ZNF365: variants seen among roughly 807,000 people sequenced by gnomAD.
ZNF365 encodes the protein zinc finger protein 365.
ZNF365 carries 22 observed loss-of-function variants against 35.0 expected under a neutral mutation model. That is an observed-to-expected ratio of 0.63 (90% CI 0.45 to 0.90). The LOEUF is 0.90. Ranked by LOEUF, ZNF365 falls within the 40% of genes least tolerant of loss-of-function variation. The pLI is 0.00. For missense variants in ZNF365, 448 were observed against 500.3 expected (o/e 0.90, Z 1.00); for synonymous variants, 188 against 196.2 (o/e 0.96, Z 0.35).
At chr10:62,439,446 T>C (rs1380139512) in intron 3 of ZNF365, among the ~76,000 whole-genome samples, 1 of 152,164 alleles carries the variant, frequency 6.6e-6, no homozygotes, top group African/African-American at 2.4e-5. Flanking sequence ...CAGATTCTCT[T>C]GCAGCTAGGG....
chr10:62,402,956 TGA>T (rs1351274776), downstream of ZNF365, among the ~76,000 whole-genome samples: 1 of 152,166 alleles, frequency 6.6e-6, no homozygotes, highest in Non-Finnish European at 1.5e-5. Flanking sequence ...TTAGGAGCTG[TGA>T]GAGTTATTCA....
intron 3 of ZNF365, among the ~76,000 whole-genome samples, chr10:62,436,238 G>A (rs1168087311): frequency 1.3e-5 from 2 of 152,020 alleles, no homozygotes; most frequent in African/African-American, 4.8e-5. Context: ...TCCAGGCCAT[G>A]GGAATTTTCT....
At chr10:62,448,064 A>G (rs1009643876) in intron 3 of ZNF365, among the ~76,000 whole-genome samples, 1 of 152,146 alleles carries the variant, frequency 6.6e-6, no homozygotes, top group African/African-American at 2.4e-5. Flanking sequence ...TCTCATATCT[A>G]TCCATCTCAC....
intron 3 of ZNF365, among the ~76,000 whole-genome samples, chr10:62,451,142 G>A (rs769798102): frequency 1.9e-4 from 29 of 152,178 alleles, no homozygotes; most frequent in Non-Finnish European, 3.5e-4. Flanking sequence ...GAGCAAACTC[G>A]TGCGTGTGAG....
At chr10:62,439,079 C>T (rs1035433211) in intron 3 of ZNF365, among the ~76,000 whole-genome samples, 4 of 152,104 alleles carry the variant, frequency 2.6e-5, no homozygotes, top group African/African-American at 4.8e-5. Flanking sequence ...AAGACTATCA[C>T]CTTGCTGTTG....
chr10:62,444,936 C>G (rs1840561486), intron 3 of ZNF365, among the ~76,000 whole-genome samples: 1 of 151,986 alleles, frequency 6.6e-6, no homozygotes. Context: ...TCTCCCCACC[C>G]CACAACAGTC....
chr10:62,447,863 C>G (rs542322462), intron 3 of ZNF365, among the ~76,000 whole-genome samples: 7 of 152,158 alleles, frequency 4.6e-5, no homozygotes, highest in African/African-American at 1.7e-4. Context: ...GTGTCTTAAC[C>G]CTCACATTGG....
At chr10:62,426,702 A>T (rs897474803) in intron 3 of ZNF365, among the ~76,000 whole-genome samples, 1 of 152,044 alleles carries the variant, frequency 6.6e-6, no homozygotes, top group South Asian at 2.1e-4. Flanking sequence ...ACAGTTTAGG[A>T]TTGGCGAGTT....
chr10:62,409,778 A>T (rs1010402434), intron 3 of ZNF365, among the ~76,000 whole-genome samples: 1 of 152,148 alleles, frequency 6.6e-6, no homozygotes, highest in Admixed American at 6.5e-5. Context: ...ATATTCATCC[A>T]TCCAACCAAC....
intron 3 of ZNF365, among the ~76,000 whole-genome samples, chr10:62,440,528 C>T (rs1840482444): frequency 6.6e-6 from 1 of 152,040 alleles, no homozygotes; most frequent in Non-Finnish European, 1.5e-5. Flanking sequence ...ACAGAGTTTA[C>T]AGACAATGGG....
rs1839820952 is a variant in ZNF365, at chr10:62,401,136, A to G, written c.*1347A>G. On this transcript the variant is annotated 3_prime_UTR_variant, in exon 5 of 5. Coordinates refer to ENST00000395254, the MANE Select transcript of ZNF365 (RefSeq NM_014951.3). ...ATTTTGTCCACAAATATATACATAT[A>G]TACATATATATAACACATACAAAAT... The G allele has an allele frequency of 1.5e-5, 14 of 962,048 alleles. No homozygotes were observed. The highest frequency in any genetic ancestry group is 1.7e-5 in the Non-Finnish European group (14 of 808,794). The allele number at this position is 962,048 out of a possible 1,614,324, so 59.6% of individuals were successfully genotyped here.
Position 62,463,471 on chromosome 10 carries a change from G to A in ZNF365, c.981+3674G>A, listed in dbSNP as rs541362287. ...GAAATGTTGAAAAGCTCCCTCACAT[G>A]GGACATGTTTATCTGCACTCAGAAA... On this transcript the variant is annotated intron_variant, in intron 4 of 4. Transcript: ENST00000395255. Among the ~76,000 whole-genome samples, 121 of 152,340 alleles carry A rather than the reference G, an allele frequency of 7.9e-4. 2 individuals are homozygous for A. The highest frequency in any genetic ancestry group is 2.8e-3 in the African/African-American group (118 of 41,582).
intron 3 of ZNF365, among the ~76,000 whole-genome samples, chr10:62,413,151 T>A (rs113850721): frequency 1.9e-3 from 295 of 152,296 alleles, no homozygotes; most frequent in African/African-American, 6.3e-3. Flanking sequence ...ATGTTTTCTA[T>A]TAGCTCTCCA....
At chr10:62,456,489 T>C (rs1324555777) in intron 3 of ZNF365, among the ~76,000 whole-genome samples, 1 of 152,170 alleles carries the variant, frequency 6.6e-6, no homozygotes, top group East Asian at 1.9e-4. Context: ...ACCTGTATAC[T>C]TTGGTATTAG....
At chr10:62,457,497 G>C (rs1469214400) in intron 3 of ZNF365, among the ~76,000 whole-genome samples, 1 of 152,220 alleles carries the variant, frequency 6.6e-6, no homozygotes. Flanking sequence ...GAGAAGGAAG[G>C]CTTACTTCAA....
chr10:62,453,501 G>A (rs896435623), intron 3 of ZNF365, among the ~76,000 whole-genome samples: 15 of 152,156 alleles, frequency 9.9e-5, no homozygotes, highest in African/African-American at 3.6e-4. Flanking sequence ...TTGTATATAT[G>A]TACCACATTT....
At chr10:62,377,067 G>C in intron 2 of ZNF365, 131 bp downstream of exon 2, 1 of 1,225,514 alleles carries the variant, frequency 8.2e-7, no homozygotes, top group Non-Finnish European at 1.1e-6. Flanking sequence ...TATTGATATA[G>C]TTGAACCAGG....
intron 2 of ZNF365, among the ~76,000 whole-genome samples, chr10:62,380,308 T>C (rs1839415841): frequency 6.6e-6 from 1 of 152,370 alleles, no homozygotes; most frequent in Admixed American, 6.5e-5. Context: ...TTTCTCCTCC[T>C]CCTTTACAAT....
intron 3 of ZNF365, among the ~76,000 whole-genome samples, chr10:62,456,844 GCACA>G (rs57620397): frequency 4.6e-5 from 7 of 151,172 alleles, no homozygotes; most frequent in Non-Finnish European, 8.9e-5. Context: ...GCGCACACAT[GCACA>G]CACACACACA....
Sources: gnomAD v4.1 joint callset for allele counts (sites outside exome capture counted in the v4.1 genomes callset) on GRCh38, gnomAD v4.1.1 for gene constraint, MANE v1.5 for transcripts, NCBI Gene and HGNC (gene_info 2026-07-23, HGNC 2026-07-21) for gene names.